Variants in PTPRQ observed in about 807,000 individuals in gnomAD.
PTPRQ encodes the protein phosphatidylinositol phosphatase PTPRQ.
A neutral mutation model predicts 246.0 loss-of-function variants in PTPRQ; 199 were observed. The observed-to-expected ratio is 0.81, with a 90% confidence interval of 0.72 to 0.91. The LOEUF (loss-of-function observed/expected upper bound fraction) is 0.91, where lower values mean the gene tolerates loss of function less well. Among genes scored for constraint, PTPRQ ranks in the 40% least tolerant of loss-of-function variants. The pLI is 0.00. For synonymous variants in PTPRQ, 869 were observed against 853.2 expected (o/e 1.02, Z -0.32); for missense variants, 2,624 against 2,528.4 (o/e 1.04, Z -0.81).
At position 80,488,314 on chromosome 12, in the gene PTPRQ, G is replaced by C. The variant is rs375811211; in HGVS notation, c.1359+3709G>C. On this transcript the variant is annotated intron_variant, in intron 9 of 44. Coordinates refer to ENST00000644991, the MANE Select transcript of PTPRQ (RefSeq NM_001145026.2). ...GTGGGTATAGTGGGTATCTACCTGAGAGGCCATGCACTACACTCCCCCAGC... is the reference window on the plus strand; with the variant it reads ...GTGGGTATAGTGGGTATCTACCTGACAGGCCATGCACTACACTCCCCCAGC... Among the ~76,000 whole-genome samples the C allele has an allele frequency of 1.6e-4, 24 of 152,002 alleles. No homozygotes were observed. In the East Asian group the frequency reaches 4.7e-3, roughly 30 times the overall value.
At chr12:80,444,690 C>A in intron 1 of PTPRQ, 51 bp from the exon 2 acceptor site, 1 of 1,360,908 alleles carries the variant, frequency 7.3e-7, no homozygotes, top group Non-Finnish European at 1.0e-6. Flanking sequence ...TTTTAGCTTG[C>A]TTGCTTTCCA....
At chr12:80,473,022 T>TACACACACACAC (rs371484292) in intron 8 of PTPRQ, among the ~76,000 whole-genome samples, 35 of 129,212 alleles carry the variant, frequency 2.7e-4, no homozygotes, top group African/African-American at 9.2e-4. Context: ...TAGACATGTA[T>TACACACACACAC]ACACACACAC....
intron 33 of PTPRQ, among the ~76,000 whole-genome samples, chr12:80,626,329 A>T (rs964114496): frequency 4.6e-5 from 7 of 152,196 alleles, no homozygotes; most frequent in Admixed American, 2.6e-4. Flanking sequence ...TTACTTAAAA[A>T]ATTATTTTTA....
chr12:80,476,405 C>G (rs1279407919), intron 8 of PTPRQ, among the ~76,000 whole-genome samples: 1 of 152,054 alleles, frequency 6.6e-6, no homozygotes, highest in East Asian at 1.9e-4. Context: ...CTTCCTCTGT[C>G]CTCAAGTGCC....
At chr12:80,629,189 G>GAA (rs1206217858) in intron 33 of PTPRQ, among the ~76,000 whole-genome samples, 43 of 152,000 alleles carry the variant, frequency 2.8e-4, no homozygotes, top group African/African-American at 9.7e-4. Flanking sequence ...GAGAGAAAGA[G>GAA]AGAGAGAGAG....
chr12:80,445,136 A>G (rs1462785494), intron 2 of PTPRQ, among the ~76,000 whole-genome samples: 1 of 151,938 alleles, frequency 6.6e-6, no homozygotes, highest in Middle Eastern at 3.2e-3. Flanking sequence ...ATGAAAATGA[A>G]CTGGCTACAT....
At chr12:80,591,804 G>A (rs966721366) in intron 26 of PTPRQ, among the ~76,000 whole-genome samples, 2 of 152,172 alleles carry the variant, frequency 1.3e-5, no homozygotes, top group Non-Finnish European at 2.9e-5. Flanking sequence ...CTGTGCCTTT[G>A]TGCCTGCTGC....
intron 23 of PTPRQ, among the ~76,000 whole-genome samples, chr12:80,544,509 T>C (rs1313949001): frequency 1.3e-5 from 2 of 152,208 alleles, no homozygotes; most frequent in Non-Finnish European, 2.9e-5. Context: ...AAGTATTCAA[T>C]ACATCATTTG....
At chr12:80,444,481 A>T in intron 1 of PTPRQ, 82 bp downstream of exon 1, 7 of 836,212 alleles carry the variant, frequency 8.4e-6, no homozygotes, top group Non-Finnish European at 1.2e-5. Context: ...GTTCCTTGTG[A>T]CAGTGAACTA....
At chr12:80,474,782 G>T (rs1324378990) in intron 8 of PTPRQ, among the ~76,000 whole-genome samples, 1 of 152,048 alleles carries the variant, frequency 6.6e-6, no homozygotes, top group Admixed American at 6.6e-5. Context: ...CTTCAATATT[G>T]TCTAACAACT....
At chr12:80,550,868 A>T (rs1306842101) in intron 25 of PTPRQ, among the ~76,000 whole-genome samples, 1 of 152,090 alleles carries the variant, frequency 6.6e-6, no homozygotes, top group East Asian at 1.9e-4. Flanking sequence ...TTCTGAACCT[A>T]GTCTGTTCCC....
At chr12:80,579,550 A>G (rs540091814) in intron 25 of PTPRQ, among the ~76,000 whole-genome samples, 1 of 152,292 alleles carries the variant, frequency 6.6e-6, no homozygotes, top group East Asian at 1.9e-4. Flanking sequence ...TATTAACTAA[A>G]ATATTTTTCA....
intron 26 of PTPRQ, among the ~76,000 whole-genome samples, chr12:80,595,068 C>T (rs1455940733): frequency 6.6e-6 from 1 of 152,116 alleles, no homozygotes; most frequent in Non-Finnish European, 1.5e-5. Flanking sequence ...AGAATCTTTG[C>T]TATTCTTTCT....
At chr12:80,668,937 C>T (rs1162404749) in intron 39 of PTPRQ, 70 bp from the exon 40 acceptor site, 2 of 1,450,666 alleles carry the variant, frequency 1.4e-6, no homozygotes, top group Non-Finnish European at 1.8e-6. Context: ...ATGTTTCATG[C>T]ATTGATCGAA....
chr12:80,484,357 A>T, intron 8 of PTPRQ, 76 bp from the exon 9 acceptor site: 1 of 1,461,948 alleles, frequency 6.8e-7, no homozygotes, highest in Non-Finnish European at 9.1e-7. Context: ...GTGAACTAAG[A>T]ATTTAGGCAC....
At chr12:80,525,625 T>C (rs868688253) in intron 17 of PTPRQ, among the ~76,000 whole-genome samples, 2 of 151,692 alleles carry the variant, frequency 1.3e-5, no homozygotes, top group Non-Finnish European at 2.9e-5. Context: ...AAATTCTGTG[T>C]AATACTAACA....
chr12:80,465,228 T>C (rs1893351763), intron 6 of PTPRQ: 2 of 151,800 alleles, frequency 1.3e-5, no homozygotes, highest in Admixed American at 6.6e-5. Flanking sequence ...TACAAACACC[T>C]CTATGCAAAT....
intron 12 of PTPRQ, among the ~76,000 whole-genome samples, 173 bp from the exon 13 acceptor site, chr12:80,495,826 C>T (rs1894600124): frequency 6.6e-6 from 1 of 151,920 alleles, no homozygotes; most frequent in Non-Finnish European, 1.5e-5. Context: ...CTTGAAGTCA[C>T]CAACATGGAA....
intron 3 of PTPRQ, among the ~76,000 whole-genome samples, chr12:80,456,590 T>A (rs990037672): frequency 6.6e-6 from 1 of 152,136 alleles, no homozygotes; most frequent in Non-Finnish European, 1.5e-5. Context: ...TAGATCTATT[T>A]TTATGGAGCT....
Sources: allele counts gnomAD v4.1 joint callset (sites outside exome capture counted in the v4.1 genomes callset), GRCh38; gene constraint gnomAD v4.1.1; transcripts MANE v1.5; gene names NCBI Gene and HGNC (gene_info 2026-07-23, HGNC 2026-07-21).